The following SLC24A3 variants were observed in gnomAD, a reference collection of about 807,000 sequenced individuals.
SLC24A3 encodes the protein solute carrier family 24 member 3, also known as sodium/potassium/calcium exchanger 3.
SLC24A3 carries 28 observed loss-of-function variants against 75.8 expected under a neutral mutation model. The ratio of observed to expected loss-of-function variants is 0.37; its 90% confidence interval spans 0.27 to 0.51. The LOEUF (loss-of-function observed/expected upper bound fraction) is 0.51, where lower values mean the gene tolerates loss of function less well. SLC24A3 is among the 20% of genes least tolerant of loss of function. The probability of loss-of-function intolerance (pLI) is 0.94; values close to 1 mark genes in which losing one functional copy is unlikely to be tolerated. For missense variants in SLC24A3, 663 were observed against 847.8 expected, an observed-to-expected ratio of 0.78 and a Z score of 2.71; for synonymous variants, 372 against 334.1, an observed-to-expected ratio of 1.11 and a Z score of -1.24.
intron 6 of SLC24A3, among the ~76,000 whole-genome samples, chr20:19,643,859 C>G (rs979838366): frequency 1.3e-5 from 2 of 152,178 alleles, no homozygotes; most frequent in Admixed American, 6.5e-5. Flanking sequence ...AGAGATTGCT[C>G]TTAGGTTTTG....
intron 2 of SLC24A3, among the ~76,000 whole-genome samples, chr20:19,282,059 G>C (rs987326860): frequency 6.6e-6 from 1 of 152,054 alleles, no homozygotes; most frequent in Non-Finnish European, 1.5e-5. Context: ...TACATCCAAA[G>C]GTCTGTCTCA....
rs112188859 is a variant in SLC24A3, at chr20:19,385,643, C to CTT, written c.271+104569_271+104570dup. On this transcript the variant is annotated intron_variant, in intron 2 of 16. Coordinates refer to ENST00000328041, the MANE Select transcript of SLC24A3 (RefSeq NM_020689.4). ...GGTTTCATATGAATTTTAAAATTGGCTTTTTTTTTTTTTTCTGAGACAGGG... is the reference window on the plus strand; with the variant it reads ...GGTTTCATATGAATTTTAAAATTGGCTTTTTTTTTTTTTTTTCTGAGACAGGG... 1.9e-3 allele frequency among the ~76,000 whole-genome samples: 272 copies of CTT among 141,294 alleles called. 1 individual carries two copies. Among genetic ancestry groups the CTT allele is most frequent in the East Asian group, 0.01 (50 of 4,904 alleles). 92.7% of individuals were successfully genotyped at this position (141,294 alleles called of 152,430 possible).
intron 3 of SLC24A3, among the ~76,000 whole-genome samples, chr20:19,564,113 CT>C (rs1171985045): frequency 6.6e-6 from 1 of 152,186 alleles, no homozygotes; most frequent in East Asian, 1.9e-4. Context: ...CAAACAGGAC[CT>C]CTAGCCAGCC....
At chr20:19,517,226 C>A (rs1051304338) in intron 3 of SLC24A3, among the ~76,000 whole-genome samples, 1 of 152,144 alleles carries the variant, frequency 6.6e-6, no homozygotes, top group Non-Finnish European at 1.5e-5. Context: ...TGAGTTGGAT[C>A]CGGAATTCCC....
chr20:19,378,899 A>T (rs1944601082), intron 2 of SLC24A3, among the ~76,000 whole-genome samples: 1 of 113,400 alleles, frequency 8.8e-6, no homozygotes, highest in South Asian at 2.8e-4. Flanking sequence ...CTTTCTTTAA[A>T]AAAAGCTCAA....
intron 3 of SLC24A3, among the ~76,000 whole-genome samples, chr20:19,569,432 C>T (rs551337522): frequency 6.6e-6 from 1 of 152,058 alleles, no homozygotes; most frequent in African/African-American, 2.4e-5. Context: ...TCCTGTGGCC[C>T]TCCTGTCCCA....
intron 1 of SLC24A3, chr20:19,265,634 C>T (rs147119350): frequency 7.7e-4 from 118 of 152,344 alleles, no homozygotes; most frequent in African/African-American, 2.7e-3. Flanking sequence ...AACATGGAAT[C>T]GAAAAGTTTA....
At chr20:19,398,565 T>C (rs1394387186) in intron 2 of SLC24A3, among the ~76,000 whole-genome samples, 1 of 152,210 alleles carries the variant, frequency 6.6e-6, no homozygotes, top group African/African-American at 2.4e-5. Flanking sequence ...ATATATGTTC[T>C]AATACCTTTT....
At chr20:19,300,534 CT>C (rs1984170123) in intron 2 of SLC24A3, among the ~76,000 whole-genome samples, 1 of 152,216 alleles carries the variant, frequency 6.6e-6, no homozygotes, top group Non-Finnish European at 1.5e-5. Context: ...GAAAAGAATG[CT>C]GCTGTTTTGT....
chr20:19,247,193 G>C (rs1982518859), intron 1 of SLC24A3, among the ~76,000 whole-genome samples: 1 of 152,108 alleles, frequency 6.6e-6, no homozygotes, highest in Non-Finnish European at 1.5e-5. Flanking sequence ...TTAGAAAGCA[G>C]GGCCAATGAC....
chr20:19,534,555 C>T (rs1400932733), intron 3 of SLC24A3, among the ~76,000 whole-genome samples: 1 of 152,156 alleles, frequency 6.6e-6, no homozygotes, highest in East Asian at 1.9e-4. Flanking sequence ...GGATTACAGG[C>T]ATGTATCACC....
At chr20:19,256,297 G>T (rs1982812006) in intron 1 of SLC24A3, among the ~76,000 whole-genome samples, 1 of 152,172 alleles carries the variant, frequency 6.6e-6, no homozygotes, top group South Asian at 2.1e-4. Flanking sequence ...CATAGAGACA[G>T]AAAGCAGTTT....
chr20:19,352,983 T>A (rs1249917090), intron 2 of SLC24A3, among the ~76,000 whole-genome samples: 2 of 152,238 alleles, frequency 1.3e-5, no homozygotes, highest in Admixed American at 6.5e-5. Context: ...TATGTTGAGA[T>A]ACACTTAGAT....
chr20:19,336,745 C>T (rs1306415324), intron 2 of SLC24A3, among the ~76,000 whole-genome samples: 4 of 138,632 alleles, frequency 2.9e-5, no homozygotes, highest in Non-Finnish European at 6.1e-5. Context: ...GACTTTTATA[C>T]AGGGAGAAAA....
chr20:19,539,964 T>C (rs953522072), intron 3 of SLC24A3, among the ~76,000 whole-genome samples: 1 of 152,186 alleles, frequency 6.6e-6, no homozygotes, highest in Non-Finnish European at 1.5e-5. Flanking sequence ...ATGAGAGTCT[T>C]CAAGGGAGAT....
At chr20:19,361,857 T>G (rs1985797120) in intron 2 of SLC24A3, among the ~76,000 whole-genome samples, 1 of 152,216 alleles carries the variant, frequency 6.6e-6, no homozygotes, top group African/African-American at 2.4e-5. Context: ...ATACATATCT[T>G]AAAATTTTCC....
At chr20:19,601,773 C>T (rs956019265) in intron 6 of SLC24A3, among the ~76,000 whole-genome samples, 37 of 152,208 alleles carry the variant, frequency 2.4e-4, no homozygotes, top group African/African-American at 8.4e-4. Flanking sequence ...CTCTGGTCTG[C>T]AGTGCTGGTG....
intron 9 of SLC24A3, among the ~76,000 whole-genome samples, chr20:19,678,064 T>TTTC (rs1472163889): frequency 6.6e-6 from 1 of 151,352 alleles, no homozygotes; most frequent in Non-Finnish European, 1.5e-5. Context: ...CAGAAGAATT[T>TTTC]TTCTTAGTAC....
chr20:19,497,980 C>T (rs1177860064), intron 2 of SLC24A3, among the ~76,000 whole-genome samples: 1 of 152,140 alleles, frequency 6.6e-6, no homozygotes, highest in African/African-American at 2.4e-5. Flanking sequence ...TCCGTATTTA[C>T]AGCCACTCCC....
Sources: gnomAD v4.1 joint callset for allele counts (sites outside exome capture counted in the v4.1 genomes callset) on GRCh38, gnomAD v4.1.1 for gene constraint, MANE v1.5 for transcripts, NCBI Gene and HGNC (gene_info 2026-07-23, HGNC 2026-07-21) for gene names.